SLCO3A1: variants seen among roughly 807,000 people sequenced by gnomAD.
SLCO3A1 encodes the protein solute carrier organic anion transporter family member 3A1, also known as PGE1 transporter.
In SLCO3A1, 27 loss-of-function variants were observed where a neutral mutation model predicts 63.1. That is an observed-to-expected ratio of 0.43 (90% CI 0.32 to 0.59). The LOEUF (loss-of-function observed/expected upper bound fraction) is 0.59, where lower values mean the gene tolerates loss of function less well. Ranked by LOEUF, SLCO3A1 falls within the 20% of genes least tolerant of loss-of-function variation. SLCO3A1 has a pLI of 0.09. For synonymous variants in SLCO3A1, 473 were observed against 409.9 expected, an observed-to-expected ratio of 1.15 and a Z score of -1.86; for missense variants, 773 against 945.8, an observed-to-expected ratio of 0.82 and a Z score of 2.40.
At chr15:91,984,043 C>T (rs546131337) in intron 2 of SLCO3A1, among the ~76,000 whole-genome samples, 4 of 152,188 alleles carry the variant, frequency 2.6e-5, no homozygotes, top group Non-Finnish European at 5.9e-5. Context: ...CTCTGACCCT[C>T]CCCAACCAAA....
chr15:91,947,510 G>A (rs1899850374), intron 2 of SLCO3A1, among the ~76,000 whole-genome samples: 1 of 152,168 alleles, frequency 6.6e-6, no homozygotes, highest in African/African-American at 2.4e-5. Context: ...GTGGGGTGAG[G>A]AGAGCTCTTA....
chr15:92,028,167 G>A (rs891921946), intron 2 of SLCO3A1, among the ~76,000 whole-genome samples: 1 of 152,148 alleles, frequency 6.6e-6, no homozygotes, highest in African/African-American at 2.4e-5. Context: ...AGCACACAGT[G>A]GGGGAGGCTG....
intron 2 of SLCO3A1, among the ~76,000 whole-genome samples, chr15:92,005,662 C>T (rs1403774111): frequency 6.6e-6 from 1 of 152,188 alleles, no homozygotes; most frequent in Non-Finnish European, 1.5e-5. Context: ...GGACCCCTAT[C>T]CTGTGAGAAG....
rs1314367232 is a variant in SLCO3A1, at chr15:92,019,929, T to C, written c.647-74952T>C. ...GAGAAGGGAGTCAGAGTGGCCTTCA[T>C]GTCAGGGCAGTGAGGACTGTATCAA... On this transcript the variant is annotated intron_variant, in intron 2 of 9. Coordinates refer to ENST00000318445, the MANE Select transcript of SLCO3A1 (RefSeq NM_013272.4). Among the ~76,000 whole-genome samples, 6 of 152,212 alleles carry C rather than the reference T, an allele frequency of 3.9e-5. No individual in the cohort carries two copies. In the East Asian group the frequency reaches 9.7e-4, roughly 25 times the overall value.
At chr15:92,050,455 A>G (rs1204302599) in intron 2 of SLCO3A1, among the ~76,000 whole-genome samples, 2 of 152,212 alleles carry the variant, frequency 1.3e-5, no homozygotes, top group Non-Finnish European at 2.9e-5. Flanking sequence ...CGGTGCCACC[A>G]TCCAGAGATT....
At chr15:91,986,632 G>A (rs2046057153) in intron 2 of SLCO3A1, among the ~76,000 whole-genome samples, 1 of 151,680 alleles carries the variant, frequency 6.6e-6, no homozygotes, top group Non-Finnish European at 1.5e-5. Context: ...GATGTGGGTT[G>A]ACACTTCCAG....
intron 2 of SLCO3A1, among the ~76,000 whole-genome samples, chr15:91,934,141 GTCTGTTCTTCT>G (rs1899326248): frequency 6.6e-6 from 1 of 152,162 alleles, no homozygotes. Flanking sequence ...CAGTATGTGT[GTCTGTTCTTCT>G]TACCTTGTAA....
At chr15:92,004,500 C>T (rs2046291626) in intron 2 of SLCO3A1, among the ~76,000 whole-genome samples, 1 of 152,188 alleles carries the variant, frequency 6.6e-6, no homozygotes, top group Non-Finnish European at 1.5e-5. Context: ...CTCCACGCAG[C>T]ATTAGAAGAG....
chr15:91,856,019 T>C lies in SLCO3A1; in HGVS notation c.180+1931T>C, dbSNP rs1896910512. Among the ~76,000 whole-genome samples the C allele has an allele frequency of 6.6e-6, 1 of 151,686 alleles. No homozygotes were observed. Among genetic ancestry groups the C allele is most frequent in the South Asian group, 2.1e-4 (1 of 4,796 alleles). Reference sequence around the variant, plus strand: ...TAAATGAAGCTGGGCTGCAACTAGATGAATGGCCTAGCTCCTTTAGAAAGT... The same window carrying C: ...TAAATGAAGCTGGGCTGCAACTAGACGAATGGCCTAGCTCCTTTAGAAAGT... On this transcript the variant is annotated intron_variant, in intron 1 of 9. Transcript: ENST00000318445. This position sits in a 1 kb window ranked among gnomAD's most constrained non-coding sequence, Gnocchi z 4.9.
chr15:92,106,680 CA>C (rs1377231420), intron 4 of SLCO3A1, among the ~76,000 whole-genome samples: 1 of 152,138 alleles, frequency 6.6e-6, no homozygotes, highest in Non-Finnish European at 1.5e-5. Flanking sequence ...ACAATGGTGC[CA>C]TCAGAGAACT....
intron 7 of SLCO3A1, among the ~76,000 whole-genome samples, chr15:92,134,924 G>A (rs1201657001): frequency 1.3e-5 from 2 of 152,050 alleles, no homozygotes; most frequent in Non-Finnish European, 2.9e-5. Flanking sequence ...TCTCCGCTGG[G>A]GGATGGGGTG....
In SLCO3A1 at chr15:91,948,242, G is replaced by A. The variant is rs555803075; in HGVS notation, c.646+31784G>A. On this transcript the variant is annotated intron_variant, in intron 2 of 9. Transcript: ENST00000318445. The surrounding 1 kb of genome is among the most constrained non-coding windows in gnomAD (Gnocchi z 4.8). ...GAAGCTTTTTCCACTCCTGCTTGGC[G>A]CATGAGAATACAACCAGCTGGTCCC... 1.3e-5 allele frequency among the ~76,000 whole-genome samples: 2 copies of A among 152,246 alleles called. No homozygotes were observed. The highest frequency in any genetic ancestry group is 1.9e-4 in the East Asian group (1 of 5,158).
At chr15:91,874,200 T>C (rs936247176) in intron 1 of SLCO3A1, among the ~76,000 whole-genome samples, 1 of 152,234 alleles carries the variant, frequency 6.6e-6, no homozygotes, top group African/African-American at 2.4e-5. Context: ...ATAAAAGTTA[T>C]GTGAATGTGG....
chr15:91,978,849 C>T (rs901286303), intron 2 of SLCO3A1, among the ~76,000 whole-genome samples: 15 of 152,348 alleles, frequency 9.8e-5, no homozygotes, highest in African/African-American at 3.4e-4. Flanking sequence ...CTATGGCCCA[C>T]GGGCCAAATC....
intron 2 of SLCO3A1, among the ~76,000 whole-genome samples, chr15:91,949,535 C>T (rs1015855190): frequency 6.6e-6 from 1 of 152,102 alleles, no homozygotes; most frequent in South Asian, 2.1e-4. Flanking sequence ...GAGGCTGAGG[C>T]ACAAGACACA....
intron 2 of SLCO3A1, among the ~76,000 whole-genome samples, chr15:92,001,352 G>C (rs1225265413): frequency 6.6e-6 from 1 of 152,162 alleles, no homozygotes; most frequent in Non-Finnish European, 1.5e-5. Context: ...ATGGGATGCT[G>C]CTTCCTTGGT....
chr15:91,977,485 T>G (rs1286249869), intron 2 of SLCO3A1, among the ~76,000 whole-genome samples: 1 of 152,198 alleles, frequency 6.6e-6, no homozygotes, highest in African/African-American at 2.4e-5. Context: ...GAGAATGTGC[T>G]CTAGGAAAGT....
rs1366067625 is a variant in SLCO3A1, at chr15:92,128,486, C to T, written c.1509C>T (p.Ser503=). The T allele has an allele frequency of 1.2e-6, 2 of 1,613,220 alleles. No homozygotes were observed. The highest frequency in any genetic ancestry group is 1.7e-6 in the Non-Finnish European group (2 of 1,179,630). The stretch of plus-strand genomic sequence containing the variant: ...CTGCCTGCTTTGCTGGCTGCAACAG[C>T]ACGGTAATGGGATGGGGCAGGGGAT... ...YLSACFAGCN[S]TNLTGCACLT... Residue 503 remains serine, a synonymous_variant, in exon 7 of 10, where the codon AGC becomes AGT. Coordinates refer to ENST00000318445, the MANE Select transcript of SLCO3A1 (RefSeq NM_013272.4).
chr15:91,997,967 CAA>C (rs1261582678), intron 2 of SLCO3A1, among the ~76,000 whole-genome samples: 1 of 152,082 alleles, frequency 6.6e-6, no homozygotes, highest in East Asian at 1.9e-4. Flanking sequence ...TAATTTATGG[CAA>C]AGTCATCAAA....
Sources: gnomAD v4.1 joint callset for allele counts (sites outside exome capture counted in the v4.1 genomes callset) on GRCh38, gnomAD v4.1.1 for gene constraint, Gnocchi (gnomAD v3.1) non-coding constraint, MANE v1.5 for transcripts, NCBI Gene and HGNC (gene_info 2026-07-23, HGNC 2026-07-21) for gene names.